The following POMT1 variants were observed in gnomAD, a reference collection of about 807,000 sequenced individuals.
POMT1 encodes protein O-mannosyl-transferase 1.
Under a neutral mutation model 101.6 loss-of-function variants are expected in POMT1, and 85 were observed. That is an observed-to-expected ratio of 0.84 (90% CI 0.70 to 1.00). The LOEUF (loss-of-function observed/expected upper bound fraction) is 1.00. Among genes scored for constraint, POMT1 ranks in the 50% least tolerant of loss-of-function variants. The pLI is 0.00. For synonymous variants in POMT1, 371 were observed against 383.0 expected (o/e 0.97, Z 0.37); for missense variants, 857 against 930.4 (o/e 0.92, Z 1.03).
Position 131,523,151 on chromosome 9 carries a change from G to A in POMT1, c.*45G>A. 5 of 1,592,300 alleles carry A rather than the reference G, an allele frequency of 3.1e-6. No individual in the cohort carries two copies. Among genetic ancestry groups the A allele is most frequent in the East Asian group, 2.2e-5 (1 of 44,782 alleles). On this transcript the variant is annotated 3_prime_UTR_variant, in exon 20 of 20. Coordinates refer to ENST00000402686, the MANE Select transcript of POMT1 (RefSeq NM_001077365.2). ...ACACCCGTGCTGGGGTCGGGATGAG[G>A]TTGAAGGGTCTTGGTCAATGTACGT...
intron 4 of POMT1, 184 bp downstream of exon 4, chr9:131,506,637 G>C (rs958824114): frequency 4.6e-5 from 30 of 656,166 alleles, no homozygotes; most frequent in South Asian, 4.4e-4. Context: ...AAGACTTCTG[G>C]AAAGTCTGGT....
rs921254810 is a variant in POMT1, at chr9:131,510,537, A to G, written c.855+122A>G. The G allele has an allele frequency of 3.0e-6, 4 of 1,333,184 alleles. No homozygotes were observed. The African/African-American group carries it at 5.8e-5, about 19-fold the overall frequency. The allele number at this position is 1,333,184 out of a possible 1,614,324, so 82.6% of individuals were successfully genotyped here. Reference sequence around the variant, plus strand: ...ATCAAAACATGAAGAATCCACATCCATATTTCTTTTTTTGGTGGGGGGGAT... The same window carrying G: ...ATCAAAACATGAAGAATCCACATCCGTATTTCTTTTTTTGGTGGGGGGGAT... On this transcript the variant is annotated intron_variant, in intron 9 of 19. Coordinates refer to ENST00000402686, the MANE Select transcript of POMT1 (RefSeq NM_001077365.2).
At chr9:131,521,299 C>T in intron 17 of POMT1, 47 bp from the exon 18 acceptor site, 1 of 1,613,484 alleles carries the variant, frequency 6.2e-7, no homozygotes. Flanking sequence ...CTCTTCCCTC[C>T]CTGAGCAGAG....
At position 131,522,518 on chromosome 9, in the gene POMT1, C is replaced by T. The variant is rs571620541; in HGVS notation, c.2003+294C>T. On this transcript the variant is annotated intron_variant, in intron 19 of 19. Transcript: ENST00000402686. The surrounding 1 kb of genome is among the most constrained non-coding windows in gnomAD (Gnocchi z 5.5). Reference sequence around the variant, plus strand: ...GGATTCGGGAGCAGGGAGCAAGGCCCAGGAGCCTGGGGTGTCAGAAACGGC... The same window carrying T: ...GGATTCGGGAGCAGGGAGCAAGGCCTAGGAGCCTGGGGTGTCAGAAACGGC... 5.9e-5 allele frequency: 34 copies of T among 571,586 alleles called. No individual in the cohort carries two copies. The highest frequency in any genetic ancestry group is 9.8e-5 in the Non-Finnish European group (32 of 326,148). 35.4% of individuals were successfully genotyped at this position (571,586 alleles called of 1,614,324 possible).
chr9:131,514,957 A>C (rs1947981836), intron 12 of POMT1, among the ~76,000 whole-genome samples: 1 of 152,172 alleles, frequency 6.6e-6, no homozygotes, highest in Non-Finnish European at 1.5e-5. Context: ...ACTCCATCTC[A>C]AAACAAAAAA....
In POMT1 at chr9:131,518,550, T is replaced by C; in HGVS notation, c.1365+13T>C. 2 of 1,610,060 alleles carry C rather than the reference T, an allele frequency of 1.2e-6. No individual in the cohort carries two copies. ...CGCTGTCTTAAAGGTAAGGACACTG[T>C]CCGTGGCTTGGCCTGTCCTGAGCTG... On this transcript the variant is annotated intron_variant, in intron 14 of 19. Transcript: ENST00000402686.
Position 131,522,501 on chromosome 9 carries a change from G to A in POMT1, c.2003+277G>A. 1.6e-6 allele frequency: 1 copy of A among 613,140 alleles called. No homozygotes were observed. The highest frequency in any genetic ancestry group is 2.8e-6 in the Non-Finnish European group (1 of 360,528). The allele number at this position is 613,140 out of a possible 1,614,324, so 38.0% of individuals were successfully genotyped here. A position where few individuals can be genotyped will look rare whatever the true frequency, so the allele number is the denominator to read the frequency against. ...GATGTGGGTGGCCTGGAGGATTCGG[G>A]AGCAGGGAGCAAGGCCCAGGAGCCT... On this transcript the variant is annotated intron_variant, in intron 19 of 19. Coordinates refer to ENST00000402686, the MANE Select transcript of POMT1 (RefSeq NM_001077365.2). The surrounding 1 kb of genome is among the most constrained non-coding windows in gnomAD (Gnocchi z 5.5).
chr9:131,522,562 T>C lies in POMT1; in HGVS notation c.2003+338T>C. On this transcript the variant is annotated intron_variant, in intron 19 of 19. Transcript: ENST00000402686. This position sits in a 1 kb window ranked among gnomAD's most constrained non-coding sequence, Gnocchi z 5.5. ...AAACGGCAGCTGGTTATGGTCGGGT[T>C]GTGTGGTGTGGTGGAGAGAACCCAA... 1.9e-6 allele frequency: 1 copy of C among 526,378 alleles called. No homozygotes were observed. The highest frequency in any genetic ancestry group is 3.2e-5 in the Admixed American group (1 of 31,294). 32.6% of individuals were successfully genotyped at this position (526,378 alleles called of 1,614,324 possible). A position where few individuals can be genotyped will look rare whatever the true frequency, so the allele number is the denominator to read the frequency against.
At position 131,516,531 on chromosome 9, in the gene POMT1, A is replaced by G. The variant is rs147065161; in HGVS notation, c.1272+1009A>G. ...TTTCAGTTTACCCAGTTGAGGTTGG[A>G]TATTTAGAATAATTCTGATTCAGAT... On this transcript the variant is annotated intron_variant, in intron 13 of 19. Transcript: ENST00000402686. 1.1e-3 allele frequency: 170 copies of G among 154,302 alleles called. 1 individual carries two copies. In the East Asian group the frequency reaches 0.03, roughly 27 times the overall value. The allele number at this position is 154,302 out of a possible 1,614,324, so 9.6% of individuals were successfully genotyped here. A position where few individuals can be genotyped will look rare whatever the true frequency, so the allele number is the denominator to read the frequency against.
chr9:131,504,747 A>G (rs978018095), intron 2 of POMT1, among the ~76,000 whole-genome samples: 4 of 122,700 alleles, frequency 3.3e-5, no homozygotes, highest in African/African-American at 1.3e-4. Context: ...TAACTGATTA[A>G]TGTGTGTATG....
rs200969468 is a variant in POMT1 at position 131,520,166 on chromosome 9, T to C, written c.1671T>C (p.Ile557=). 115 of 1,613,752 alleles carry C rather than the reference T, an allele frequency of 7.1e-5. No individual in the cohort carries two copies. The Middle Eastern group carries it at 1.2e-3, about 16-fold the overall frequency. ...PLEWVTLDTN[I]AYWLHPRTSA... is the part of the protein sequence containing the mutation. ...AGTGGGTCACCCTGGACACCAATAT[T>C]GCCTACTGGCTGCACCCCAGGACCA... Residue 557 remains isoleucine, a synonymous_variant, in exon 17 of 20, where the codon ATT becomes ATC. Transcript: ENST00000402686.
chr9:131,506,616 G>C, intron 4 of POMT1, 163 bp downstream of exon 4: 1 of 714,932 alleles, frequency 1.4e-6, no homozygotes, highest in South Asian at 1.6e-5. Flanking sequence ...AAATTGGTTG[G>C]ATACAAATGA....
chr9:131,520,146 G>C lies in POMT1; in HGVS notation c.1651G>C (p.Val551Leu). 1 of 1,613,848 alleles carries C rather than the reference G, an allele frequency of 6.2e-7. No individual in the cohort carries two copies. The highest frequency in any genetic ancestry group is 8.5e-7 in the Non-Finnish European group (1 of 1,180,028). ...GTACAGCTCCAGCCCACTGGAGTGG[G>C]TCACCCTGGACACCAATATTGCCTA... ...HKYSSSPLEW[V>L]TLDTNIAYWL... is the part of the protein sequence containing the mutation. The change falls in exon 17 of 20, where the codon GTC (valine) becomes CTC (leucine). Residue 551 changes from valine to leucine, a missense_variant. Coordinates refer to ENST00000402686, the MANE Select transcript of POMT1 (RefSeq NM_001077365.2).
chr9:131,522,423 C>A lies in POMT1; in HGVS notation c.2003+199C>A, dbSNP rs559008849. The A allele has an allele frequency of 5.3e-5, 60 of 1,123,048 alleles. No homozygotes were observed. Among genetic ancestry groups the A allele is most frequent in the African/African-American group, 6.2e-5 (4 of 64,018 alleles). The allele number at this position is 1,123,048 out of a possible 1,614,324, so 69.6% of individuals were successfully genotyped here. On this transcript the variant is annotated intron_variant, in intron 19 of 19. Coordinates refer to ENST00000402686, the MANE Select transcript of POMT1 (RefSeq NM_001077365.2). The surrounding 1 kb of genome is among the most constrained non-coding windows in gnomAD (Gnocchi z 5.5). Reference sequence around the variant, plus strand: ...TGCAGGAACCCAGAGGGAGAAGTCGCGGCTGACAGAGATGAAAGCGGAGTG... The same window carrying A: ...TGCAGGAACCCAGAGGGAGAAGTCGAGGCTGACAGAGATGAAAGCGGAGTG...
At chr9:131,513,948 C>A (rs1243168254) in intron 12 of POMT1, among the ~76,000 whole-genome samples, 1 of 152,210 alleles carries the variant, frequency 6.6e-6, no homozygotes, top group Non-Finnish European at 1.5e-5. Context: ...GGACTTCCAC[C>A]CGGCTGCCCG....
intron 12 of POMT1, 83 bp from the exon 13 acceptor site, chr9:131,515,343 A>T: frequency 7.0e-7 from 1 of 1,428,462 alleles, no homozygotes; most frequent in South Asian, 1.1e-5. Flanking sequence ...CTGAAAAGCA[A>T]CCTTTTCCTG....
chr9:131,503,933 G>T lies in POMT1; in HGVS notation c.-30-256G>T, dbSNP rs558412112. Among the ~76,000 whole-genome samples the T allele has an allele frequency of 3.1e-4, 47 of 152,162 alleles. No homozygotes were observed. The highest frequency in any genetic ancestry group is 4.0e-4 in the Non-Finnish European group (27 of 68,036). On this transcript the variant is annotated intron_variant, in intron 1 of 19. Transcript: ENST00000402686. This position sits in a 1 kb window ranked among gnomAD's most constrained non-coding sequence, Gnocchi z 4.4. ...GTGTTCTCGCGCCCAAGACGTGCTC[G>T]GCAGGTTTTGTGGAATGAGTTGTTG...
Position 131,522,363 on chromosome 9 carries a change from G to A in POMT1, c.2003+139G>A. On this transcript the variant is annotated intron_variant, in intron 19 of 19. Transcript: ENST00000402686. The surrounding 1 kb of genome is among the most constrained non-coding windows in gnomAD (Gnocchi z 5.5). ...CATCCTCCGGGTCCCTCCGGGGAAT[G>A]GGTGAGGTTCAGAAGAGATGCCCAG... 6.7e-7 allele frequency: 1 copy of A among 1,490,676 alleles called. No individual in the cohort carries two copies. The highest frequency in any genetic ancestry group is 1.3e-5 in the South Asian group (1 of 78,104). The allele number at this position is 1,490,676 out of a possible 1,614,324, so 92.3% of individuals were successfully genotyped here.
rs756057831 is a variant in POMT1, at chr9:131,522,934, C to T, written c.2006C>T (p.Ser669Phe). The change falls in exon 20 of 20, where the codon TCC (serine) becomes TTC (phenylalanine). Residue 669 changes from serine (S) to phenylalanine (F), a missense_variant and splice_region_variant. Coordinates refer to ENST00000402686, the MANE Select transcript of POMT1 (RefSeq NM_001077365.2). This position sits in a 1 kb window ranked among gnomAD's most constrained non-coding sequence, Gnocchi z 5.5. ...LQHISDHLCR[S>F]QLQRSIFSAL... The stretch of plus-strand genomic sequence containing the variant: ...CCACGCTGCTCTGACCTCTGCAGGT[C>T]CCAGCTCCAGAGGAGCATCTTCAGC... 1.9e-6 allele frequency: 3 copies of T among 1,587,358 alleles called. No homozygotes were observed. The highest frequency in any genetic ancestry group is 2.6e-6 in the Non-Finnish European group (3 of 1,169,492).
Sources: allele counts gnomAD v4.1 joint callset (sites outside exome capture counted in the v4.1 genomes callset), GRCh38; gene constraint gnomAD v4.1.1; non-coding constraint Gnocchi (gnomAD v3.1); transcripts MANE v1.5; gene names NCBI Gene and HGNC (gene_info 2026-07-23, HGNC 2026-07-21).